KAZN: variants seen among roughly 807,000 people sequenced by gnomAD.
KAZN encodes the protein kazrin, periplakin interacting protein, also known as kazrin.
A neutral mutation model predicts 87.4 loss-of-function variants in KAZN; 40 were observed. That is an observed-to-expected ratio of 0.46 (90% CI 0.36 to 0.60). The LOEUF (loss-of-function observed/expected upper bound fraction) is 0.60, where lower values mean the gene tolerates loss of function less well. Among genes scored for constraint, KAZN ranks in the 20% least tolerant of loss-of-function variants. The pLI is 0.00. For synonymous variants in KAZN, 466 were observed against 458.3 expected, an observed-to-expected ratio of 1.02 and a Z score of -0.22; for missense variants, 898 against 1,073.9, an observed-to-expected ratio of 0.84 and a Z score of 2.29.
At chr1:14,402,083 CTA>C (rs1663457310) in intron 2 of KAZN, among the ~76,000 whole-genome samples, 2 of 16,372 alleles carry the variant, frequency 1.2e-4, no homozygotes, top group African/African-American at 4.9e-4. Flanking sequence ...AGTTATGAGT[CTA>C]TGTAAAAAAA....
rs538506443 is a variant in KAZN, at chr1:14,061,076, G to A, written c.92-119359G>A. ...AAAAATCTAGAAGCACAATGGGTCCGAGAAGGGGAGGACCAGGGTGGGAGA... is the reference window on the plus strand; with the variant it reads ...AAAAATCTAGAAGCACAATGGGTCCAAGAAGGGGAGGACCAGGGTGGGAGA... On this transcript the variant is annotated intron_variant, in intron 1 of 16. Coordinates refer to the KAZN transcript ENST00000636203. Among the ~76,000 whole-genome samples the A allele has an allele frequency of 1.6e-4, 25 of 152,334 alleles. No individual in the cohort carries two copies. In the South Asian group the frequency reaches 4.8e-3, roughly 29 times the overall value.
intron 1 of KAZN, among the ~76,000 whole-genome samples, chr1:14,800,076 C>T (rs1645959474): frequency 6.6e-6 from 1 of 152,052 alleles, no homozygotes; most frequent in South Asian, 2.1e-4. Flanking sequence ...AATGGGATGG[C>T]AGGTCCATGA....
At chr1:14,460,643 G>A (rs1667808326) in intron 2 of KAZN, among the ~76,000 whole-genome samples, 1 of 152,084 alleles carries the variant, frequency 6.6e-6, no homozygotes, top group Non-Finnish European at 1.5e-5. Context: ...TCACTGTCTG[G>A]GATACCCCAT....
chr1:14,490,037 GCCA>G (rs1257644763), intron 2 of KAZN, among the ~76,000 whole-genome samples: 1 of 152,124 alleles, frequency 6.6e-6, no homozygotes, highest in Admixed American at 6.5e-5. Context: ...GCCACTTCAA[GCCA>G]CCAACAGCCT....
At chr1:15,027,853 G>A (rs1460790265) in intron 2 of KAZN, among the ~76,000 whole-genome samples, 2 of 149,368 alleles carry the variant, frequency 1.3e-5, no homozygotes, top group African/African-American at 2.5e-5. Context: ...TGTTTGAGAC[G>A]GAGTCTCGCT....
At chr1:14,947,918 T>A (rs57896007) in intron 1 of KAZN, among the ~76,000 whole-genome samples, 17,691 of 152,214 alleles carry the variant, frequency 0.12, 1,143 homozygotes, top group Middle Eastern at 0.18. Flanking sequence ...TGGAAATGGC[T>A]TTGAGGCAGA....
At chr1:14,603,016 G>A (rs1033639774) in intron 1 of KAZN, among the ~76,000 whole-genome samples, 1 of 152,152 alleles carries the variant, frequency 6.6e-6, no homozygotes, top group Non-Finnish European at 1.5e-5. Flanking sequence ...CATTAAAATA[G>A]GCTGTTACTT....
intron 2 of KAZN, among the ~76,000 whole-genome samples, chr1:14,490,189 C>T (rs947560908): frequency 6.6e-6 from 1 of 152,200 alleles, no homozygotes; most frequent in Non-Finnish European, 1.5e-5. Context: ...TTTGTCTGCT[C>T]TTATCTTCCA....
intron 1 of KAZN, among the ~76,000 whole-genome samples, chr1:14,828,903 C>T (rs531673348): frequency 1.3e-5 from 2 of 152,234 alleles, no homozygotes; most frequent in Non-Finnish European, 2.9e-5. Flanking sequence ...GAAGAGATAG[C>T]GAGAGCAACA....
In KAZN at chr1:14,531,364, C is replaced by T. The variant is rs115389865; in HGVS notation, c.250-67619C>T. ...TTACCCAAGTAAGCCAACAGGAAGC[C>T]GAAAATGTGTGTTCTCACTTCTATG... On this transcript the variant is annotated intron_variant, in intron 2 of 16. Coordinates refer to the KAZN transcript ENST00000636203. 5.9e-3 allele frequency among the ~76,000 whole-genome samples: 904 copies of T among 152,290 alleles called. 10 individuals are homozygous for T. The highest frequency in any genetic ancestry group is 0.031 in the Middle Eastern group (9 of 294).
At chr1:14,522,834 G>C (rs75509096) in intron 2 of KAZN, among the ~76,000 whole-genome samples, 1,938 of 152,272 alleles carry the variant, frequency 0.013, 68 homozygotes, top group East Asian at 0.092. Flanking sequence ...TCAGATCTTT[G>C]TATTTTCTTC....
chr1:14,770,937 G>A (rs896216726), intron 1 of KAZN, among the ~76,000 whole-genome samples: 1 of 152,128 alleles, frequency 6.6e-6, no homozygotes, highest in Non-Finnish European at 1.5e-5. Flanking sequence ...GGGGAACAGG[G>A]AGACATCGAG....
intron 1 of KAZN, among the ~76,000 whole-genome samples, chr1:14,002,971 T>C (rs182189268): frequency 2.0e-5 from 3 of 152,254 alleles, no homozygotes; most frequent in East Asian, 3.9e-4. Flanking sequence ...CCATCAATGA[T>C]AGACTGAATA....
intron 1 of KAZN, among the ~76,000 whole-genome samples, chr1:14,027,462 T>C (rs187904477): frequency 3.7e-4 from 57 of 152,322 alleles, no homozygotes; most frequent in African/African-American, 1.3e-3. Context: ...TTAATTTGTA[T>C]GTTAAGTTGC....
intron 1 of KAZN, among the ~76,000 whole-genome samples, chr1:13,896,615 C>T (rs768419035): frequency 4.6e-5 from 7 of 152,084 alleles, no homozygotes; most frequent in Non-Finnish European, 5.9e-5. Context: ...AAAATCCTAC[C>T]CAATTTCCAT....
At chr1:14,461,691 A>C (rs1667859528) in intron 2 of KAZN, among the ~76,000 whole-genome samples, 1 of 152,168 alleles carries the variant, frequency 6.6e-6, no homozygotes, top group Non-Finnish European at 1.5e-5. Context: ...CACTGCCGAG[A>C]GGGGTGGTGA....
At chr1:14,344,001 A>C (rs1279643958) in intron 2 of KAZN, among the ~76,000 whole-genome samples, 2 of 152,158 alleles carry the variant, frequency 1.3e-5, no homozygotes, top group Non-Finnish European at 2.9e-5. Flanking sequence ...TTCTCTTGCT[A>C]GGTGATAGAT....
Position 14,985,244 on chromosome 1 carries a change from T to TCCA in KAZN, c.418+24369_418+24370insCCA, listed in dbSNP as rs560285595. Among the ~76,000 whole-genome samples the TCCA allele has an allele frequency of 4.3e-3, 469 of 110,330 alleles. 2 individuals are homozygous for TCCA. The highest frequency in any genetic ancestry group is 0.023 in the Middle Eastern group (5 of 220). 72.4% of individuals were successfully genotyped at this position (110,330 alleles called of 152,430 possible). A position where few individuals can be genotyped will look rare whatever the true frequency, so the allele number is the denominator to read the frequency against. The stretch of plus-strand genomic sequence containing the variant: ...GGCTCACGCCTATAATCCCAGAACT[T>TCCA]TGGTGGGAGGCCAAGGTGGGAGGCC... On this transcript the variant is annotated intron_variant, in intron 2 of 14. Transcript: ENST00000376030.
chr1:13,917,266 TAAGGTCGTTGATG>T (rs1198662071), intron 1 of KAZN, among the ~76,000 whole-genome samples: 18 of 152,248 alleles, frequency 1.2e-4, no homozygotes, highest in Admixed American at 5.2e-4. Flanking sequence ...AATATCAAGC[TAAGGTCGTTGATG>T]AAGGTGGCTA....
Sources: allele counts gnomAD v4.1 joint callset (sites outside exome capture counted in the v4.1 genomes callset), GRCh38; gene constraint gnomAD v4.1.1; transcripts MANE v1.5; gene names NCBI Gene and HGNC (gene_info 2026-07-23, HGNC 2026-07-21).